LRRC8B: variants seen among roughly 807,000 people sequenced by gnomAD.
LRRC8B encodes the protein volume-regulated anion channel subunit LRRC8B.
A neutral mutation model predicts 58.8 loss-of-function variants in LRRC8B; 23 were observed. The observed-to-expected ratio is 0.39, with a 90% CI of 0.28 to 0.55. LRRC8B has a LOEUF of 0.55. Ranked by LOEUF, LRRC8B falls within the 20% of genes least tolerant of loss-of-function variation. The pLI is 0.62. For synonymous variants in LRRC8B, 359 were observed against 374.1 expected (o/e 0.96, Z 0.47); for missense variants, 694 against 936.0 (o/e 0.74, Z 3.37).
intron 1 of LRRC8B, among the ~76,000 whole-genome samples, chr1:89,560,456 T>C (rs1652548002): frequency 6.6e-6 from 1 of 151,772 alleles, no homozygotes; most frequent in Non-Finnish European, 1.5e-5. Context: ...TACATATGTA[T>C]ACATGTGCCA....
intron 1 of LRRC8B, among the ~76,000 whole-genome samples, chr1:89,567,711 A>T (rs973372952): frequency 6.6e-6 from 1 of 152,076 alleles, no homozygotes; most frequent in Non-Finnish European, 1.5e-5. Context: ...TGCTCTTTTG[A>T]CCTAATTCCT....
intron 1 of LRRC8B, among the ~76,000 whole-genome samples, chr1:89,541,895 A>G (rs985776777): frequency 1.3e-5 from 2 of 152,094 alleles, no homozygotes; most frequent in African/African-American, 4.8e-5. Context: ...TCAGAACAGA[A>G]AGCATTGACT....
At chr1:89,526,283 C>T (rs888328419) in intron 1 of LRRC8B, among the ~76,000 whole-genome samples, 2 of 152,142 alleles carry the variant, frequency 1.3e-5, no homozygotes, top group African/African-American at 4.8e-5. Flanking sequence ...AGTGCGATCT[C>T]GGCTCACTGC....
chr1:89,558,886 T>A (rs1260614402), intron 1 of LRRC8B: 1 of 152,118 alleles, frequency 6.6e-6, no homozygotes, highest in Non-Finnish European at 1.5e-5. Flanking sequence ...CCTAATCACC[T>A]CCTAAATGCT....
At chr1:89,561,563 T>C (rs953363250) in intron 1 of LRRC8B, among the ~76,000 whole-genome samples, 3 of 83,688 alleles carry the variant, frequency 3.6e-5, no homozygotes, top group African/African-American at 1.4e-4. Context: ...TTGATTTTTG[T>C]ATAAGGTGTA....
intron 3 of LRRC8B, among the ~76,000 whole-genome samples, chr1:89,576,056 T>C (rs1653824104): frequency 6.6e-6 from 1 of 152,240 alleles, no homozygotes; most frequent in Non-Finnish European, 1.5e-5. Flanking sequence ...ACAGAAAACG[T>C]ACTGCTTCTC....
At chr1:89,552,418 T>G (rs1288835679) in intron 1 of LRRC8B, among the ~76,000 whole-genome samples, 2 of 152,190 alleles carry the variant, frequency 1.3e-5, no homozygotes, top group African/African-American at 2.4e-5. Context: ...ATAGTGAGTT[T>G]TGTTTGCTAA....
rs772207395 is a variant in LRRC8B, at chr1:89,583,269, C to G, written c.619C>G (p.Pro207Ala). ...CATAGATTCCGGCAAACAGTCATTG[C>G]CCTACCCACAGCCAGGTTTGGAGTC... The part of the protein sequence containing the change: ...ADIDSGKQSL[P>A]YPQPGLESAG... Residue 207 changes from proline to alanine, a missense_variant, in exon 5 of 6, where the codon CCC (proline) becomes GCC (alanine). This residue lies in a region of LRRC8B where 316 missense variants were observed against 403.8 expected (regional missense o/e 0.78). Transcript: ENST00000330947. This position sits in a 1 kb window ranked among gnomAD's most constrained non-coding sequence, Gnocchi z 5.2. The G allele has an allele frequency of 5.0e-6, 8 of 1,614,200 alleles. No homozygotes were observed. The South Asian group carries it at 8.8e-5, about 18-fold the overall frequency.
At chr1:89,570,238 G>A (rs998567332) in intron 3 of LRRC8B, among the ~76,000 whole-genome samples, 5 of 152,194 alleles carry the variant, frequency 3.3e-5, no homozygotes, top group African/African-American at 1.2e-4. Flanking sequence ...TATGTGCCCA[G>A]TAATGCGATG....
At chr1:89,555,890 T>A (rs1652150857) in intron 1 of LRRC8B, among the ~76,000 whole-genome samples, 2 of 152,204 alleles carry the variant, frequency 1.3e-5, no homozygotes, top group South Asian at 4.1e-4. Context: ...TATTTGGCCT[T>A]TGCCCCCATG....
intron 1 of LRRC8B, among the ~76,000 whole-genome samples, chr1:89,553,126 T>C (rs1651940671): frequency 6.6e-6 from 1 of 152,246 alleles, no homozygotes; most frequent in African/African-American, 2.4e-5. Context: ...GTTCATGTAG[T>C]AATTTTTATA....
intron 1 of LRRC8B, among the ~76,000 whole-genome samples, 153 bp downstream of exon 1, chr1:89,525,175 G>A (rs1306037483): frequency 2.6e-5 from 4 of 152,272 alleles, no homozygotes; most frequent in Admixed American, 6.5e-5. Flanking sequence ...CAGGCTGCGG[G>A]CCGGTAGCGC....
chr1:89,546,688 TC>T (rs541376046), intron 1 of LRRC8B, among the ~76,000 whole-genome samples: 1 of 152,364 alleles, frequency 6.6e-6, no homozygotes, highest in South Asian at 2.1e-4. Flanking sequence ...CACAAAGGCA[TC>T]TGACTCAACC....
intron 3 of LRRC8B, among the ~76,000 whole-genome samples, chr1:89,570,246 A>G (rs1305167128): frequency 6.6e-6 from 1 of 152,172 alleles, no homozygotes; most frequent in Non-Finnish European, 1.5e-5. Flanking sequence ...CAGTAATGCG[A>G]TGGCTGGGTT....
At chr1:89,539,885 T>C (rs1570565985) in intron 1 of LRRC8B, among the ~76,000 whole-genome samples, 2 of 152,370 alleles carry the variant, frequency 1.3e-5, no homozygotes, top group Admixed American at 1.3e-4. Flanking sequence ...CATTGAACTT[T>C]TAAAAATAAG....
chr1:89,575,389 A>G (rs181007131), intron 3 of LRRC8B, among the ~76,000 whole-genome samples: 100 of 152,296 alleles, frequency 6.6e-4, no homozygotes, highest in Non-Finnish European at 2.8e-4. Context: ...GAAGAGCCAC[A>G]TGGAGTCTCA....
At chr1:89,530,075 A>G (rs1456623607) in intron 1 of LRRC8B, among the ~76,000 whole-genome samples, 1 of 152,014 alleles carries the variant, frequency 6.6e-6, no homozygotes, top group East Asian at 1.9e-4. Flanking sequence ...TGGGTCGGGC[A>G]TGGTGGCTCA....
At chr1:89,553,707 T>G (rs1461698842) in intron 1 of LRRC8B, among the ~76,000 whole-genome samples, 1 of 152,182 alleles carries the variant, frequency 6.6e-6, no homozygotes, top group African/African-American at 2.4e-5. Context: ...TGGCTAAATC[T>G]GAAAGTTTAA....
chr1:89,547,688 T>C (rs1651510230), intron 1 of LRRC8B, among the ~76,000 whole-genome samples: 1 of 152,168 alleles, frequency 6.6e-6, no homozygotes, highest in African/African-American at 2.4e-5. Flanking sequence ...ATTTTAAAGA[T>C]CTGTTTCTCA....
Sources: gnomAD v4.1 joint callset for allele counts (sites outside exome capture counted in the v4.1 genomes callset) on GRCh38, gnomAD v4.1.1 for gene constraint, gnomAD v4.1.1 regional missense constraint, Gnocchi (gnomAD v3.1) non-coding constraint, MANE v1.5 for transcripts, NCBI Gene and HGNC (gene_info 2026-07-23, HGNC 2026-07-21) for gene names.